ERCC6: variants seen among roughly 807,000 people sequenced by gnomAD.
ERCC6 encodes ERCC excision repair 6, chromatin remodeling factor, also known as DNA excision repair protein ERCC-6.
A neutral mutation model predicts 158.7 loss-of-function variants in ERCC6; 116 were observed. The observed-to-expected ratio is 0.73, with a 90% CI of 0.63 to 0.85. ERCC6 has a LOEUF of 0.85. Among genes scored for constraint, ERCC6 ranks in the 40% least tolerant of loss-of-function variants. The probability of loss-of-function intolerance (pLI) is 0.00; values close to 1 mark genes in which losing one functional copy is unlikely to be tolerated. For missense variants in ERCC6, 1,698 were observed against 1,799.4 expected, an observed-to-expected ratio of 0.94 and a Z score of 1.02; for synonymous variants, 678 against 659.3, an observed-to-expected ratio of 1.03 and a Z score of -0.43.
chr10:49,452,194 A>C (rs1211825002), downstream of ERCC6, among the ~76,000 whole-genome samples: 1 of 151,806 alleles, frequency 6.6e-6, no homozygotes, highest in Non-Finnish European at 1.5e-5. Flanking sequence ...AGGTGGAAGA[A>C]AGGTTATTGC....
intron 7 of ERCC6, among the ~76,000 whole-genome samples, chr10:49,497,892 T>C (rs909186284): frequency 2.0e-5 from 3 of 152,202 alleles, no homozygotes; most frequent in Non-Finnish European, 2.9e-5. Context: ...TACCAGGAAC[T>C]ACAAAGTAAA....
At chr10:49,517,459 CAT>C (rs1182304292) in intron 5 of ERCC6, among the ~76,000 whole-genome samples, 5 of 152,144 alleles carry the variant, frequency 3.3e-5, no homozygotes, top group Admixed American at 2.0e-4. Context: ...AGGAGGCAGA[CAT>C]GTGTGAAAAA....
intron 8 of ERCC6, among the ~76,000 whole-genome samples, chr10:49,492,610 C>T (rs946789772): frequency 6.6e-6 from 1 of 152,218 alleles, no homozygotes; most frequent in African/African-American, 2.4e-5. Context: ...AGAAATACAA[C>T]TGTCAATACA....
rs750554118 is a variant in ERCC6 at position 49,483,432 on chromosome 10, T to C, written c.1906A>G (p.Ser636Gly). Residue 636 changes from serine (S) to glycine (G), a missense_variant, in exon 9 of 21, where the codon AGC becomes GGC. Transcript: ENST00000355832. ...ATCACATAGTGCCAGTCATACCTGC[T>C]AATGTCATCCTGCATCAATCGAATG... ...SYIRLMQDDI[S>G]RYDWHYVILD... 1.2e-6 allele frequency: 2 copies of C among 1,614,032 alleles called. No homozygotes were observed. The highest frequency in any genetic ancestry group is 1.3e-5 in the African/African-American group (1 of 74,944).
chr10:49,506,238 ATTTC>A (rs1031333679), intron 5 of ERCC6: 2 of 565,196 alleles, frequency 3.5e-6, no homozygotes, highest in Non-Finnish European at 6.2e-6. Flanking sequence ...CTCTAGAAAT[ATTTC>A]TTTAAGGTCT....
intron 6 of ERCC6, chr10:49,503,907 T>C (rs547488502): frequency 2.0e-5 from 3 of 152,276 alleles, no homozygotes; most frequent in African/African-American, 7.2e-5. Flanking sequence ...TAACCCAAGA[T>C]TGCATTTACT....
intron 5 of ERCC6, chr10:49,516,568 A>G: frequency 6.2e-7 from 1 of 1,613,988 alleles, no homozygotes; most frequent in South Asian, 1.1e-5. Flanking sequence ...ATTCCCAGAA[A>G]ACATTTGAAT....
At position 49,476,299 on chromosome 10, in the gene ERCC6, G is replaced by A; in HGVS notation, c.2298C>T (p.Cys766=). 2 of 1,611,952 alleles carry A rather than the reference G, an allele frequency of 1.2e-6. No homozygotes were observed. The highest frequency in any genetic ancestry group is 1.7e-6 in the Non-Finnish European group (2 of 1,178,574). Residue 766 remains cysteine, a synonymous_variant, in exon 12 of 21, where the codon TGC becomes TGT. Coordinates refer to ENST00000355832, the MANE Select transcript of ERCC6 (RefSeq NM_000124.4). ...LPDKNEQVLF[C]RLTDEQHKVY... ...CTTTATGCTGCTCATCTGTAAGACG[G>A]CAAAATAAGACCTACGGACGGGAAA...
At chr10:49,446,595 C>T in the ERCC6 span, among the ~76,000 whole-genome samples, 1 of 152,156 alleles carries the variant, frequency 6.6e-6, no homozygotes, top group African/African-American at 2.4e-5. Context: ...GGTGACACAG[C>T]GAGACTCTGT....
At chr10:49,461,645 GA>G in intron 18 of ERCC6, 89 bp from the exon 19 acceptor site, 1 of 1,316,276 alleles carries the variant, frequency 7.6e-7, no homozygotes, top group Non-Finnish European at 1.1e-6. Flanking sequence ...TACTGTAGTA[GA>G]CAAAAACAAA....
At chr10:49,506,101 A>G in intron 5 of ERCC6, 89 bp from the exon 6 acceptor site, 1 of 1,500,406 alleles carries the variant, frequency 6.7e-7, no homozygotes, top group Non-Finnish European at 9.2e-7. Flanking sequence ...AAGAAAAAAC[A>G]GGCAAATTAG....
At chr10:49,450,016 A>G (rs1016980970), downstream of ERCC6, among the ~76,000 whole-genome samples, 1 of 152,008 alleles carries the variant, frequency 6.6e-6, no homozygotes, top group Non-Finnish European at 1.5e-5. Flanking sequence ...GGGACTACAG[A>G]TGCACATGAC....
chr10:49,459,641 C>A (rs1453620787), intron 20 of ERCC6, among the ~76,000 whole-genome samples: 1 of 152,128 alleles, frequency 6.6e-6, no homozygotes, highest in Non-Finnish European at 1.5e-5. Context: ...GGATAAGGAA[C>A]AATATCATAG....
intron 1 of ERCC6, among the ~76,000 whole-genome samples, chr10:49,535,498 C>T (rs1489965522): frequency 6.6e-6 from 1 of 152,196 alleles, no homozygotes; most frequent in African/African-American, 2.4e-5. Context: ...GCTCAGCTCA[C>T]CTCACTTTCC....
rs544004724 is a variant in ERCC6 at position 49,497,097 on chromosome 10, G to A, written c.1685+3441C>T. Among the ~76,000 whole-genome samples, 9 of 152,288 alleles carry A rather than the reference G, an allele frequency of 5.9e-5. No homozygotes were observed. The South Asian group carries it at 1.9e-3, about 32-fold the overall frequency. Reference sequence around the variant, plus strand: ...AAGGGCCAGACTACAAGAAGCCAGAGGCTACAAGAGACTCCGACACTCTTC... The same window carrying A: ...AAGGGCCAGACTACAAGAAGCCAGAAGCTACAAGAGACTCCGACACTCTTC... On this transcript the variant is annotated intron_variant, in intron 7 of 20. Coordinates refer to ENST00000355832, the MANE Select transcript of ERCC6 (RefSeq NM_000124.4).
At chr10:49,492,790 A>C (rs1851197439) in intron 8 of ERCC6, among the ~76,000 whole-genome samples, 1 of 152,190 alleles carries the variant, frequency 6.6e-6, no homozygotes, top group Admixed American at 6.5e-5. Context: ...TAATGCGCAA[A>C]GTCTCTCCTT....
intron 6 of ERCC6, chr10:49,503,474 T>C (rs1042423640): frequency 6.6e-6 from 1 of 152,106 alleles, no homozygotes; most frequent in Non-Finnish European, 1.5e-5. Context: ...GTTACAAAGA[T>C]AGCAAAGAGT....
chr10:49,436,570 A>C, the ERCC6 span, among the ~76,000 whole-genome samples: 1 of 152,248 alleles, frequency 6.6e-6, no homozygotes, highest in African/African-American at 2.4e-5. Flanking sequence ...ATTAGACATA[A>C]AGAAAATCAA....
chr10:49,501,022 A>C (rs1181759097), intron 6 of ERCC6: 1 of 266,460 alleles, frequency 3.8e-6, no homozygotes, highest in Non-Finnish European at 7.3e-6. Flanking sequence ...TTTTTTACTC[A>C]CTTTCTGGGG....
Sources: allele counts gnomAD v4.1 joint callset (sites outside exome capture counted in the v4.1 genomes callset), GRCh38; gene constraint gnomAD v4.1.1; transcripts MANE v1.5; gene names NCBI Gene and HGNC (gene_info 2026-07-23, HGNC 2026-07-21).